Variants in DOP1B observed in about 807,000 individuals in gnomAD.
DOP1B encodes the protein DOP1 leucine zipper like protein B, also known as protein DOP1B.
In DOP1B, 174 loss-of-function variants were observed where a neutral mutation model predicts 233.5. The observed-to-expected ratio is 0.75, with a 90% CI of 0.66 to 0.85. The LOEUF (loss-of-function observed/expected upper bound fraction) is 0.85, where lower values mean the gene tolerates loss of function less well. DOP1B is among the 40% of genes least tolerant of loss of function. The probability of loss-of-function intolerance (pLI) is 0.00; values close to 1 mark genes in which losing one functional copy is unlikely to be tolerated. For missense variants in DOP1B, 2,652 were observed against 2,846.6 expected, an observed-to-expected ratio of 0.93 and a Z score of 1.56; for synonymous variants, 1,190 against 1,185.6, an observed-to-expected ratio of 1.00 and a Z score of -0.08.
chr21:36,161,130 G>GT (rs113357683), intron 1 of DOP1B, among the ~76,000 whole-genome samples: 53,689 of 150,472 alleles, frequency 0.36, 10,048 homozygotes, highest in South Asian at 0.48. Flanking sequence ...GTTTACTGTT[G>GT]TTTTTTTTTG....
intron 2 of DOP1B, among the ~76,000 whole-genome samples, chr21:36,194,121 C>G (rs769288526): frequency 1.3e-5 from 2 of 152,142 alleles, no homozygotes; most frequent in Admixed American, 6.5e-5. Context: ...TCAGTAATAG[C>G]CTCAGTTTTG....
Position 36,214,154 on chromosome 21 carries a change from T to G in DOP1B, c.978T>G (p.Tyr326Ter). The G allele has an allele frequency of 6.2e-7, 1 of 1,613,514 alleles. No individual in the cohort carries two copies. Among genetic ancestry groups the G allele is most frequent in the Non-Finnish European group, 8.5e-7 (1 of 1,179,732 alleles). The change falls in exon 8 of 37, where the codon TAT (tyrosine) becomes TAG (stop). Residue 326 changes from tyrosine to a stop codon, truncating the protein, a stop_gained. Transcript: ENST00000691173. LOFTEE classifies it high-confidence loss of function. Reference sequence around the variant, plus strand: ...ATTCTTATGAAGACCAGTCGTCTTATTTTTTTGAAAAATACTCCAAGGATC... The same window carrying G: ...ATTCTTATGAAGACCAGTCGTCTTAGTTTTTTGAAAAATACTCCAAGGATC... ...ISNSYEDQSSYFFEKYSKDLL... is the reference protein window; with the variant it reads ...ISNSYEDQSS
chr21:36,192,517 C>T (rs2066244754), intron 2 of DOP1B, among the ~76,000 whole-genome samples: 1 of 151,516 alleles, frequency 6.6e-6, no homozygotes, highest in South Asian at 2.1e-4. Context: ...GTAGCTAGGA[C>T]CATAGCCATG....
At chr21:36,253,407 G>A (rs930719230) in intron 22 of DOP1B, among the ~76,000 whole-genome samples, 4 of 152,164 alleles carry the variant, frequency 2.6e-5, no homozygotes, top group Non-Finnish European at 5.9e-5. Flanking sequence ...AATAGGAAAT[G>A]TTTGTTTAAG....
intron 2 of DOP1B, among the ~76,000 whole-genome samples, chr21:36,188,007 A>G (rs1409683018): frequency 1.3e-5 from 2 of 152,182 alleles, no homozygotes; most frequent in African/African-American, 2.4e-5. Flanking sequence ...GAAAATTTTA[A>G]AAGGAAAAAA....
intron 2 of DOP1B, among the ~76,000 whole-genome samples, chr21:36,194,164 A>G (rs926319364): frequency 6.6e-5 from 10 of 152,190 alleles, no homozygotes; most frequent in African/African-American, 2.4e-4. Context: ...GTTTTGAAGC[A>G]CTTGTTAAGT....
chr21:36,161,559 A>T (rs1203315492), intron 1 of DOP1B, among the ~76,000 whole-genome samples: 1 of 151,760 alleles, frequency 6.6e-6, no homozygotes, highest in East Asian at 1.9e-4. Flanking sequence ...GTTGTTTGTG[A>T]CCCAGGCTGG....
intron 23 of DOP1B, among the ~76,000 whole-genome samples, chr21:36,256,456 G>A (rs773148865): frequency 2.0e-5 from 3 of 152,040 alleles, no homozygotes; most frequent in Non-Finnish European, 2.9e-5. Context: ...AAGAAAATTC[G>A]TGCAATGGAA....
intron 12 of DOP1B, 77 bp downstream of exon 12, chr21:36,225,744 A>G: frequency 7.2e-7 from 1 of 1,384,242 alleles, no homozygotes; most frequent in Admixed American, 1.9e-5. Context: ...TGCTTTATCA[A>G]CCTCACATTA....
chr21:36,228,964 G>A (rs2066726364), intron 13 of DOP1B, among the ~76,000 whole-genome samples: 1 of 151,974 alleles, frequency 6.6e-6, no homozygotes, highest in Non-Finnish European at 1.5e-5. Context: ...GCAAGACCCT[G>A]TCTCTACAAA....
intron 31 of DOP1B, 40 bp downstream of exon 31, chr21:36,280,386 G>C (rs2067401991): frequency 7.0e-7 from 1 of 1,426,686 alleles, no homozygotes; most frequent in African/African-American, 1.4e-5. Flanking sequence ...ACACTTGATA[G>C]GATCAATGCC....
intron 14 of DOP1B, among the ~76,000 whole-genome samples, chr21:36,232,362 C>G (rs2066777842): frequency 6.6e-6 from 1 of 152,166 alleles, no homozygotes; most frequent in African/African-American, 2.4e-5. Context: ...GTTCTGGAAG[C>G]CAGAAGTCCA....
chr21:36,195,320 G>A lies in DOP1B; in HGVS notation c.139-3750G>A, dbSNP rs186633123. Among the ~76,000 whole-genome samples, 281 of 131,246 alleles carry A rather than the reference G, an allele frequency of 2.1e-3. No individual in the cohort carries two copies. The Middle Eastern group carries it at 0.038, about 18-fold the overall frequency. 86.1% of individuals were successfully genotyped at this position (131,246 alleles called of 152,430 possible). A position where few individuals can be genotyped will look rare whatever the true frequency, so the allele number is the denominator to read the frequency against. The stretch of plus-strand genomic sequence containing the variant: ...TGCACCACTGCACTCCAGCCTTGGT[G>A]ACAGAACAAGACTCTGGCTCAAAAA... On this transcript the variant is annotated intron_variant, in intron 2 of 36. Transcript: ENST00000691173.
chr21:36,210,118 G>T (rs1455071762), intron 5 of DOP1B, among the ~76,000 whole-genome samples: 1 of 151,092 alleles, frequency 6.6e-6, no homozygotes, highest in East Asian at 1.9e-4. Context: ...TCTTACTCTT[G>T]GATCTGACTG....
At chr21:36,167,934 C>CT (rs372693601) in intron 2 of DOP1B, among the ~76,000 whole-genome samples, 6 of 75,384 alleles carry the variant, frequency 8.0e-5, no homozygotes, top group Non-Finnish European at 1.7e-4. Context: ...CTTTTCTTTT[C>CT]TTTTTCTTTT....
intron 2 of DOP1B, among the ~76,000 whole-genome samples, chr21:36,187,730 C>T (rs2066180392): frequency 6.6e-6 from 1 of 152,178 alleles, no homozygotes; most frequent in African/African-American, 2.4e-5. Flanking sequence ...GCCTCAGCCT[C>T]CCAAGTAGCT....
At chr21:36,247,806 A>G (rs936923881) in intron 20 of DOP1B, among the ~76,000 whole-genome samples, 178 bp downstream of exon 20, 1 of 152,278 alleles carries the variant, frequency 6.6e-6, no homozygotes, top group Non-Finnish European at 1.5e-5. Flanking sequence ...ATGCAAATGC[A>G]TGTGTGTTAG....
Position 36,246,728 on chromosome 21 carries a change from AACGAATGACTGTTTTGCC to A in DOP1B, c.4697+55_4697+72del. 6.4e-7 allele frequency: 1 copy of A among 1,555,200 alleles called. No homozygotes were observed. The highest frequency in any genetic ancestry group is 1.2e-5 in the South Asian group (1 of 82,908). ...TTATTGCTTTAGTGATGGTTTTTAT[AACGAATGACTGTTTTGCC>A]ACGGATGTGGATGTCGGTTGGAGGA... On this transcript the variant is annotated intron_variant, in intron 19 of 36. Coordinates refer to ENST00000691173, the MANE Select transcript of DOP1B (RefSeq NM_001320714.2). This position sits in a 1 kb window ranked among gnomAD's most constrained non-coding sequence, Gnocchi z 5.1.
chr21:36,232,101 C>T (rs1163833936), intron 14 of DOP1B, among the ~76,000 whole-genome samples: 1 of 152,164 alleles, frequency 6.6e-6, no homozygotes, highest in African/African-American at 2.4e-5. Flanking sequence ...GCCTAGGCCT[C>T]CCAAAGTGCT....
Sources: gnomAD v4.1 joint callset for allele counts (sites outside exome capture counted in the v4.1 genomes callset) on GRCh38, gnomAD v4.1.1 for gene constraint, Gnocchi (gnomAD v3.1) non-coding constraint, MANE v1.5 for transcripts, NCBI Gene and HGNC (gene_info 2026-07-23, HGNC 2026-07-21) for gene names.